The following PPP2CB variants were observed in gnomAD, a reference collection of about 807,000 sequenced individuals.
PPP2CB encodes the protein serine/threonine-protein phosphatase 2A catalytic subunit beta isoform.
In PPP2CB, 18 loss-of-function variants were observed where a neutral mutation model predicts 39.1. That is an observed-to-expected ratio of 0.46 (90% CI 0.32 to 0.68). The LOEUF is 0.68. Ranked by LOEUF, PPP2CB falls within the 30% of genes least tolerant of loss-of-function variation. PPP2CB has a pLI of 0.04. For missense variants in PPP2CB, 226 were observed against 396.9 expected (o/e 0.57, Z 3.66); for synonymous variants, 129 against 133.8 (o/e 0.96, Z 0.25).
At chr8:30,792,908 T>A (rs76516850) in intron 5 of PPP2CB, among the ~76,000 whole-genome samples, 19 of 152,314 alleles carry the variant, frequency 1.2e-4, no homozygotes, top group Middle Eastern at 3.4e-3. Flanking sequence ...GTGTTTTTTT[T>A]ATCATGCTCC....
intron 6 of PPP2CB, among the ~76,000 whole-genome samples, chr8:30,786,944 C>T (rs1201743445): frequency 2.0e-5 from 3 of 152,114 alleles, no homozygotes; most frequent in East Asian, 1.9e-4. Context: ...GGATTACAGG[C>T]GTGAGCCACC....
Position 30,797,570 on chromosome 8 carries a change from C to T in PPP2CB, c.486+11G>A, listed in dbSNP as rs1457180305. 1.2e-6 allele frequency: 2 copies of T among 1,604,330 alleles called. No individual in the cohort carries two copies. Among genetic ancestry groups the T allele is most frequent in the African/African-American group, 1.3e-5 (1 of 74,570 alleles). ...TACCTCCTCCCAAGATGTAAGCACACATATACATACCTGTCCATCTACTAA... is the reference window on the plus strand; with the variant it reads ...TACCTCCTCCCAAGATGTAAGCACATATATACATACCTGTCCATCTACTAA... On this transcript the variant is annotated intron_variant, in intron 3 of 6. Coordinates refer to ENST00000221138, the MANE Select transcript of PPP2CB (RefSeq NM_001009552.2).
At chr8:30,796,837 T>C (rs2128761269) in intron 3 of PPP2CB, among the ~76,000 whole-genome samples, 1 of 152,292 alleles carries the variant, frequency 6.6e-6, no homozygotes, top group Admixed American at 6.5e-5. Flanking sequence ...AGAAATAGCA[T>C]TTGCTTCTAT....
At chr8:30,806,262 G>T (rs1806724501) in intron 1 of PPP2CB, among the ~76,000 whole-genome samples, 1 of 151,294 alleles carries the variant, frequency 6.6e-6, no homozygotes, top group South Asian at 2.1e-4. Flanking sequence ...CACCATGTTA[G>T]CCAGGATGGT....
At chr8:30,792,281 C>T (rs1303091409) in intron 5 of PPP2CB, among the ~76,000 whole-genome samples, 4 of 151,924 alleles carry the variant, frequency 2.6e-5, no homozygotes, top group Non-Finnish European at 2.9e-5. Context: ...TCTCGAACTC[C>T]TGAGCTCCAG....
chr8:30,791,739 CTAA>C (rs1806432708), intron 5 of PPP2CB, among the ~76,000 whole-genome samples: 1 of 151,876 alleles, frequency 6.6e-6, no homozygotes, highest in Non-Finnish European at 1.5e-5. Flanking sequence ...CTCTTTATTT[CTAA>C]TAATACCTTT....
intron 3 of PPP2CB, among the ~76,000 whole-genome samples, chr8:30,794,975 C>T (rs1806495453): frequency 6.6e-6 from 1 of 152,042 alleles, no homozygotes; most frequent in Non-Finnish European, 1.5e-5. Context: ...AGTGCATTGG[C>T]CAGGACTTCT....
intron 3 of PPP2CB, among the ~76,000 whole-genome samples, chr8:30,794,776 A>G (rs1214584778): frequency 6.6e-6 from 1 of 152,114 alleles, no homozygotes; most frequent in East Asian, 1.9e-4. Flanking sequence ...CTGTCATTAC[A>G]GCTTCTGTTG....
At chr8:30,811,061 C>T (rs1330010519) in intron 1 of PPP2CB, among the ~76,000 whole-genome samples, 6 of 152,048 alleles carry the variant, frequency 3.9e-5, no homozygotes, top group Admixed American at 2.6e-4. Flanking sequence ...TTATTTAGTC[C>T]ACCTTGTAAA....
intron 5 of PPP2CB, among the ~76,000 whole-genome samples, chr8:30,792,192 C>G (rs969049806): frequency 6.6e-6 from 1 of 151,496 alleles, no homozygotes; most frequent in Non-Finnish European, 1.5e-5. Context: ...GTAGTTGGGA[C>G]TACAGGTGCG....
chr8:30,796,779 C>T (rs1447953294), intron 3 of PPP2CB, among the ~76,000 whole-genome samples: 1 of 152,220 alleles, frequency 6.6e-6, no homozygotes, highest in Non-Finnish European at 1.5e-5. Flanking sequence ...TCTTCTTATA[C>T]TTTTGAATGT....
intron 6 of PPP2CB, 199 bp from the exon 7 acceptor site, chr8:30,786,506 A>AATTTTTTTTTTTTTTTTTTTTTT (rs1806344170): frequency 1.0e-5 from 4 of 385,788 alleles, no homozygotes; most frequent in African/African-American, 8.5e-5. Context: ...TATGGTGAAA[A>AATTTTTTTTTTTTTTTTTTTTTT]TTTAAGAAGA....
At chr8:30,806,877 G>T (rs2128762665) in intron 1 of PPP2CB, among the ~76,000 whole-genome samples, 1 of 152,084 alleles carries the variant, frequency 6.6e-6, no homozygotes, top group East Asian at 1.9e-4. Flanking sequence ...TTATGGCAAG[G>T]GTATATTATT....
In PPP2CB at chr8:30,812,813, T is replaced by C. The variant is rs1424650367; in HGVS notation, c.-392A>G. The C allele has an allele frequency of 2.2e-6, 1 of 459,352 alleles. No individual in the cohort carries two copies. 28.5% of individuals were successfully genotyped at this position (459,352 alleles called of 1,614,324 possible). ...GCCTCTCCCGACTTGTCTTTCCCCT[T>C]CTCTCGCTCTTTCTCTCCCCTCCCT... is the stretch of plus-strand genomic sequence containing the variant. On this transcript the variant is annotated 5_prime_UTR_variant, in exon 1 of 7. Transcript: ENST00000221138.
chr8:30,795,431 A>C (rs1238155280), intron 3 of PPP2CB, among the ~76,000 whole-genome samples: 27 of 152,192 alleles, frequency 1.8e-4, no homozygotes, highest in Admixed American at 1.8e-3. Flanking sequence ...GAAGGTTTCT[A>C]ATGTTTAGCT....
chr8:30,801,218 A>C (rs1212360871), intron 1 of PPP2CB, among the ~76,000 whole-genome samples: 1 of 151,574 alleles, frequency 6.6e-6, no homozygotes, highest in Non-Finnish European at 1.5e-5. Flanking sequence ...AAGAAAAAAA[A>C]GGCAACAACA....
At chr8:30,796,387 A>T (rs1586123688) in intron 3 of PPP2CB, among the ~76,000 whole-genome samples, 1 of 151,938 alleles carries the variant, frequency 6.6e-6, no homozygotes, top group East Asian at 1.9e-4. Flanking sequence ...ATATTTATTT[A>T]TTTTATTTTT....
chr8:30,808,629 G>T (rs898395822), intron 1 of PPP2CB, among the ~76,000 whole-genome samples: 1 of 152,090 alleles, frequency 6.6e-6, no homozygotes, highest in Non-Finnish European at 1.5e-5. Context: ...CCCTAGAAAG[G>T]TAGGGCAAGT....
At chr8:30,792,080 A>G (rs1381443381) in intron 5 of PPP2CB, among the ~76,000 whole-genome samples, 4 of 152,118 alleles carry the variant, frequency 2.6e-5, no homozygotes, top group Admixed American at 1.3e-4. Flanking sequence ...ATACACACAC[A>G]CACACATCCT....
Sources: allele counts gnomAD v4.1 joint callset (sites outside exome capture counted in the v4.1 genomes callset), GRCh38; gene constraint gnomAD v4.1.1; transcripts MANE v1.5; gene names NCBI Gene and HGNC (gene_info 2026-07-23, HGNC 2026-07-21).